Variants in CRAT observed in about 807,000 individuals in gnomAD.
CRAT encodes the protein carnitine O-acetyltransferase, also known as carnitine acetylase.
In CRAT, 66 loss-of-function variants were observed where a neutral mutation model predicts 73.7. That is an observed-to-expected ratio of 0.90 (90% CI 0.73 to 1.10). CRAT has a LOEUF of 1.10. Ranked by LOEUF, CRAT falls within the 50% of genes least tolerant of loss-of-function variation. The probability of loss-of-function intolerance (pLI) is 0.00; values close to 1 mark genes in which losing one functional copy is unlikely to be tolerated. For missense variants in CRAT, 745 were observed against 846.9 expected (o/e 0.88, Z 1.49); for synonymous variants, 321 against 343.2 (o/e 0.94, Z 0.71).
intron 1 of CRAT, chr9:129,109,300 G>A (rs1163194858): frequency 7.7e-7 from 1 of 1,302,416 alleles, no homozygotes; most frequent in South Asian, 1.2e-5. Flanking sequence ...TTGGTGCAAG[G>A]GAGCAGACAC....
Position 129,103,051 on chromosome 9 carries a change from G to A in CRAT, c.426C>T (p.Leu142=), listed in dbSNP as rs927957788. The change falls in exon 4 of 14, where the codon CTC becomes CTT. Residue 142 remains leucine, a synonymous_variant. Transcript: ENST00000318080. The surrounding 1 kb of genome is among the most constrained non-coding windows in gnomAD (Gnocchi z 4.6). The part of the protein sequence containing the change: ...LQGQLRFAAK[L]IEGVLDFKVM... ...CCTTGAAATCCAACACACCCTCAAT[G>A]AGTTTGGCAGCAAATCTGGAAAGAT... 7 of 1,614,000 alleles carry A rather than the reference G, an allele frequency of 4.3e-6. No homozygotes were observed. In the African/African-American group the frequency reaches 8.0e-5, roughly 18 times the overall value.
chr9:129,101,904 C>T lies in CRAT; in HGVS notation c.784G>A (p.Ala262Thr), dbSNP rs147944652. 2.2e-4 allele frequency: 353 copies of T among 1,614,010 alleles called. 3 individuals are homozygous for T. Among genetic ancestry groups the T allele is most frequent in the South Asian group, 2.1e-3 (190 of 91,054 alleles). ...GCACCTTTGATGAGGGTGTTGTATG[C>T]CTTGGCCCAGGAGTTGCGGTGGTTG... is the stretch of plus-strand genomic sequence containing the variant. ...TSNHRNSWAK[A>T]YNTLIKDKVN... The change falls in exon 6 of 14, where the codon GCA becomes ACA. Residue 262 changes from alanine (A) to threonine (T), a missense_variant. Transcript: ENST00000318080.
Position 129,103,122 on chromosome 9 carries a change from G to A in CRAT, c.411-56C>T. On this transcript the variant is annotated intron_variant, in intron 3 of 13. Transcript: ENST00000318080. The surrounding 1 kb of genome is among the most constrained non-coding windows in gnomAD (Gnocchi z 4.6). ...CGTGGACACCCTGAGGGAGGCCCCG[G>A]GCTAGGGACACCTGCTTGGGGAGCG... 1.4e-6 allele frequency: 2 copies of A among 1,467,142 alleles called. No individual in the cohort carries two copies. Among genetic ancestry groups the A allele is most frequent in the South Asian group, 1.1e-5 (1 of 88,042 alleles). 90.9% of individuals were successfully genotyped at this position (1,467,142 alleles called of 1,614,324 possible).
chr9:129,100,719 A>C (rs1295196883), intron 6 of CRAT, 30 bp from the exon 7 acceptor site: 1 of 1,599,968 alleles, frequency 6.3e-7, no homozygotes, highest in Non-Finnish European at 8.5e-7. Context: ...GGGAGACGCA[A>C]AATGGGGTCT....
In CRAT at chr9:129,097,288, G is replaced by T. The variant is rs547280982; in HGVS notation, c.1489C>A (p.Arg497=). 25 of 1,489,690 alleles carry T rather than the reference G, an allele frequency of 1.7e-5. No homozygotes were observed. Among genetic ancestry groups the T allele is most frequent in the Non-Finnish European group, 2.1e-5 (23 of 1,116,576 alleles). The allele number at this position is 1,489,690 out of a possible 1,614,324, so 92.3% of individuals were successfully genotyped here. ...VTEHQKVELL[R]KAVQAHRGYT... is the part of the protein sequence containing the mutation. ...CCTCGGTGGGCCTGCACGGCCTTCC[G>T]CAGCAGCTCCACCTTCTGGTGCTCC... Residue 497 remains arginine (R), a synonymous_variant, in exon 12 of 14, where the codon CGG becomes AGG. Transcript: ENST00000318080.
intron 7 of CRAT, 60 bp from the exon 8 acceptor site, chr9:129,100,026 C>A: frequency 7.1e-7 from 1 of 1,412,448 alleles, no homozygotes; most frequent in Non-Finnish European, 1.0e-6. Context: ...GCCCCTCACC[C>A]AACCACTCTT....
rs1017304430 is a variant in CRAT, at chr9:129,103,253, C to T, written c.411-187G>A. On this transcript the variant is annotated intron_variant, in intron 3 of 13. Coordinates refer to ENST00000318080, the MANE Select transcript of CRAT (RefSeq NM_000755.5). This position sits in a 1 kb window ranked among gnomAD's most constrained non-coding sequence, Gnocchi z 4.6. ...CCAGCCTGTGTGTGCTTCTTCATAA[C>T]CTCTAGAGGGAGCATGGTCGGGAGG... Among the ~76,000 whole-genome samples, 2 of 152,124 alleles carry T rather than the reference C, an allele frequency of 1.3e-5. No homozygotes were observed. The highest frequency in any genetic ancestry group is 4.8e-5 in the African/African-American group (2 of 41,412).
At chr9:129,104,093 GA>G in intron 3 of CRAT, 94 bp downstream of exon 3, 1 of 753,278 alleles carries the variant, frequency 1.3e-6, no homozygotes, top group South Asian at 1.7e-5. Context: ...TTGTGGGGCA[GA>G]AAGATAAACA....
chr9:129,109,032 G>A (rs1010147400), intron 1 of CRAT: 8 of 1,232,554 alleles, frequency 6.5e-6, no homozygotes, highest in South Asian at 4.3e-5. Context: ...CCACCCTCCC[G>A]AGCTCCCAGA....
At chr9:129,099,377 G>A (rs1201329775) in intron 8 of CRAT, among the ~76,000 whole-genome samples, 2 of 144,748 alleles carry the variant, frequency 1.4e-5, no homozygotes, top group Admixed American at 6.9e-5. Context: ...CAGGTGATCC[G>A]CCTCCCAAAG....
Position 129,106,225 on chromosome 9 carries a change from GAGTC to G in CRAT, c.291+1585_291+1588del, listed in dbSNP as rs1298481701. On this transcript the variant is annotated intron_variant, in intron 2 of 13. Transcript: ENST00000318080. This position sits in a 1 kb window ranked among gnomAD's most constrained non-coding sequence, Gnocchi z 4.0. ...GGTAGCCCCTAAGAACTGGGTCCCT[GAGTC>G]AGTCAGACCTTCCTGTGTGGCCGAG... 2.0e-5 allele frequency among the ~76,000 whole-genome samples: 3 copies of G among 152,174 alleles called. No homozygotes were observed. The highest frequency in any genetic ancestry group is 2.9e-5 in the Non-Finnish European group (2 of 68,020).
rs764079685 is a variant in CRAT at position 129,102,380 on chromosome 9, T to A, written c.630+20A>T. ...CTGCAGCAGGGCCGGGGCTTGTAGGTGTGGGTGGGGGCCACCCACCTGGTA... is the reference window on the plus strand; with the variant it reads ...CTGCAGCAGGGCCGGGGCTTGTAGGAGTGGGTGGGGGCCACCCACCTGGTA... On this transcript the variant is annotated intron_variant, in intron 5 of 13. Coordinates refer to ENST00000318080, the MANE Select transcript of CRAT (RefSeq NM_000755.5). The A allele has an allele frequency of 6.2e-7, 1 of 1,613,700 alleles. No homozygotes were observed. The highest frequency in any genetic ancestry group is 8.5e-7 in the Non-Finnish European group (1 of 1,179,708).
Position 129,103,003 on chromosome 9 carries a change from G to A in CRAT, c.464+10C>T, listed in dbSNP as rs969401488. The stretch of plus-strand genomic sequence containing the variant: ...CAGGTGTGGGGCTGGGCAGGGGTGG[G>A]GATGCTCACTTGTCAATCATGACCT... On this transcript the variant is annotated intron_variant, in intron 4 of 13. Coordinates refer to ENST00000318080, the MANE Select transcript of CRAT (RefSeq NM_000755.5). The surrounding 1 kb of genome is among the most constrained non-coding windows in gnomAD (Gnocchi z 4.6). 1 of 1,612,948 alleles carries A rather than the reference G, an allele frequency of 6.2e-7. No individual in the cohort carries two copies. The highest frequency in any genetic ancestry group is 8.5e-7 in the Non-Finnish European group (1 of 1,178,956).
At position 129,110,118 on chromosome 9, in the gene CRAT, G is replaced by C. The variant is rs1848316942; in HGVS notation, c.27+365C>G. ...TCGGAGGAGTGGCTCTGGCCTAAGC[G>C]TGCGACGGGTGTGTCAATCGGAGAA... On this transcript the variant is annotated intron_variant, in intron 1 of 13. Transcript: ENST00000318080. This position sits in a 1 kb window ranked among gnomAD's most constrained non-coding sequence, Gnocchi z 5.3. Among the ~76,000 whole-genome samples, 1 of 152,132 alleles carries C rather than the reference G, an allele frequency of 6.6e-6. No individual in the cohort carries two copies. Among genetic ancestry groups the C allele is most frequent in the Non-Finnish European group, 1.5e-5 (1 of 68,026 alleles).
rs752185041 is a variant in CRAT, at chr9:129,098,574, C to T, written c.1162G>A (p.Glu388Lys). Residue 388 changes from glutamate to lysine, a missense_variant, in exon 9 of 14, where the codon GAG (glutamate) becomes AAG (lysine). Coordinates refer to ENST00000318080, the MANE Select transcript of CRAT (RefSeq NM_000755.5). ...PKKLRFNITP[E>K]IKSDIEKAKQ... Reference sequence around the variant, plus strand: ...GCCTTCTCGATGTCGCTCTTGATCTCGGGGGTGATGTTGAACCGCAGCTTC... The same window carrying T: ...GCCTTCTCGATGTCGCTCTTGATCTTGGGGGTGATGTTGAACCGCAGCTTC... 23 of 1,600,788 alleles carry T rather than the reference C, an allele frequency of 1.4e-5. No homozygotes were observed. The African/African-American group carries it at 1.9e-4, about 13-fold the overall frequency.
rs748828036 is a variant in CRAT at position 129,100,367 on chromosome 9, C to T, written c.984+144G>A. Reference sequence around the variant, plus strand: ...TGACAGGCTGGCTGCCTGGTAATTACGGCAGCGTCCAGCCTGCTGGCTTCC... The same window carrying T: ...TGACAGGCTGGCTGCCTGGTAATTATGGCAGCGTCCAGCCTGCTGGCTTCC... On this transcript the variant is annotated intron_variant, in intron 7 of 13. Transcript: ENST00000318080. The T allele has an allele frequency of 2.9e-4, 294 of 1,011,182 alleles. 1 individual carries two copies. The highest frequency in any genetic ancestry group is 3.9e-4 in the Non-Finnish European group (280 of 709,046). The allele number at this position is 1,011,182 out of a possible 1,614,324, so 62.6% of individuals were successfully genotyped here. A position where few individuals can be genotyped will look rare whatever the true frequency, so the allele number is the denominator to read the frequency against.
At chr9:129,102,700 C>T in intron 4 of CRAT, 135 bp from the exon 5 acceptor site, 1 of 1,069,380 alleles carries the variant, frequency 9.4e-7, no homozygotes, top group Non-Finnish European at 1.4e-6. Flanking sequence ...AGCAGGACAC[C>T]TCAGGGCTGT....
At chr9:129,098,214 C>T (rs1210506174) in intron 10 of CRAT, 35 bp downstream of exon 10, 16 of 1,612,962 alleles carry the variant, frequency 9.9e-6, no homozygotes, top group Non-Finnish European at 1.3e-5. Flanking sequence ...CCCCAGGTCT[C>T]CTCCCTCCTC....
rs1007251657 is a variant in CRAT at position 129,106,443 on chromosome 9, G to C, written c.291+1371C>G. 2.0e-5 allele frequency among the ~76,000 whole-genome samples: 3 copies of C among 152,098 alleles called. No homozygotes were observed. Reference sequence around the variant, plus strand: ...AGCTTGGGAGACCAGAGGAGACCCCGCAGGTATGGGTACTCCCCCAGCGAG... The same window carrying C: ...AGCTTGGGAGACCAGAGGAGACCCCCCAGGTATGGGTACTCCCCCAGCGAG... On this transcript the variant is annotated intron_variant, in intron 2 of 13. Coordinates refer to ENST00000318080, the MANE Select transcript of CRAT (RefSeq NM_000755.5). The surrounding 1 kb of genome is among the most constrained non-coding windows in gnomAD (Gnocchi z 4.0).
Sources: gnomAD v4.1 joint callset for allele counts (sites outside exome capture counted in the v4.1 genomes callset) on GRCh38, gnomAD v4.1.1 for gene constraint, Gnocchi (gnomAD v3.1) non-coding constraint, MANE v1.5 for transcripts, NCBI Gene and HGNC (gene_info 2026-07-23, HGNC 2026-07-21) for gene names.